Variants in CFAP20DC observed in about 807,000 individuals in gnomAD.
CFAP20DC encodes protein CFAP20DC.
A neutral mutation model predicts 101.7 loss-of-function variants in CFAP20DC; 84 were observed. The ratio of observed to expected loss-of-function variants is 0.83; its 90% CI spans 0.69 to 0.99. The LOEUF is 0.99. CFAP20DC is among the 50% of genes least tolerant of loss of function. CFAP20DC has a pLI of 0.00. For missense variants in CFAP20DC, 1,007 were observed against 970.3 expected, an observed-to-expected ratio of 1.04 and a Z score of -0.50; for synonymous variants, 359 against 351.2, an observed-to-expected ratio of 1.02 and a Z score of -0.25.
chr3:58,851,286 A>T (rs1321273850), intron 12 of CFAP20DC, among the ~76,000 whole-genome samples: 2 of 152,292 alleles, frequency 1.3e-5, no homozygotes, highest in East Asian at 3.9e-4. Flanking sequence ...TGGAGACAGT[A>T]GAACTGGAGG....
At chr3:58,789,954 T>C (rs1039035699) in intron 15 of CFAP20DC, among the ~76,000 whole-genome samples, 1 of 152,160 alleles carries the variant, frequency 6.6e-6, no homozygotes, top group African/African-American at 2.4e-5. Flanking sequence ...GGTAGAAAGA[T>C]ACAGAAATGT....
intron 4 of CFAP20DC, among the ~76,000 whole-genome samples, chr3:58,968,747 A>G (rs1442827746): frequency 6.6e-6 from 1 of 152,060 alleles, no homozygotes; most frequent in Non-Finnish European, 1.5e-5. Context: ...TTCTGTTGCA[A>G]TTGCTTTTGG....
chr3:58,890,448 C>A (rs1391773095), intron 6 of CFAP20DC, among the ~76,000 whole-genome samples: 15 of 145,536 alleles, frequency 1.0e-4, no homozygotes, highest in African/African-American at 3.9e-4. Flanking sequence ...TGACCCCCCC[C>A]ACGTCCCTCC....
intron 4 of CFAP20DC, among the ~76,000 whole-genome samples, chr3:58,986,454 AG>A (rs201989179): frequency 0.018 from 2,725 of 152,316 alleles, 69 homozygotes; most frequent in African/African-American, 0.061. Flanking sequence ...TCCTGCAGAA[AG>A]CCAGACCTTG....
In CFAP20DC at chr3:58,867,800, T is replaced by A. The variant is rs760532998; in HGVS notation, c.1135+17A>T. 1.2e-6 allele frequency: 2 copies of A among 1,613,312 alleles called. No homozygotes were observed. Among genetic ancestry groups the A allele is most frequent in the South Asian group, 1.1e-5 (1 of 91,056 alleles). ...AATAATATACAGATATAAGATAGGA[T>A]TGAAATAGTGCCATACCGCTGGGTG... On this transcript the variant is annotated intron_variant, in intron 10 of 16. Coordinates refer to ENST00000482387, the MANE Select transcript of CFAP20DC (RefSeq NM_001394063.1).
At position 58,912,070 on chromosome 3, in the gene CFAP20DC, G is replaced by C. The variant is rs1476125116; in HGVS notation, c.550+1638C>G. Reference sequence around the variant, plus strand: ...CTTATAAAATTTACAAACGTCTCTTGTCCGTTATTGTCTCCCCTCCCATAT... The same window carrying C: ...CTTATAAAATTTACAAACGTCTCTTCTCCGTTATTGTCTCCCCTCCCATAT... On this transcript the variant is annotated intron_variant, in intron 6 of 16. Transcript: ENST00000482387. The surrounding 1 kb of genome is among the most constrained non-coding windows in gnomAD (Gnocchi z 4.4). Among the ~76,000 whole-genome samples, 1 of 152,008 alleles carries C rather than the reference G, an allele frequency of 6.6e-6. No homozygotes were observed. The highest frequency in any genetic ancestry group is 1.9e-4 in the East Asian group (1 of 5,196).
At chr3:58,770,324 C>T (rs971858644) in intron 15 of CFAP20DC, among the ~76,000 whole-genome samples, 1 of 152,164 alleles carries the variant, frequency 6.6e-6, no homozygotes, top group African/African-American at 2.4e-5. Flanking sequence ...AGATGTTTAT[C>T]GAGCCCCTGT....
chr3:58,749,193 G>A (rs764024612), intron 16 of CFAP20DC, among the ~76,000 whole-genome samples: 8 of 152,080 alleles, frequency 5.3e-5, no homozygotes, highest in Non-Finnish European at 7.4e-5. Context: ...ATATTTATGG[G>A]GCATTTACTG....
chr3:59,017,950 T>A (rs1272736498), intron 4 of CFAP20DC: 1 of 152,076 alleles, frequency 6.6e-6, no homozygotes, highest in Non-Finnish European at 1.5e-5. Context: ...CAGTCTAGCA[T>A]CCCAAACAAG....
Position 58,869,252 on chromosome 3 carries a change from C to A in CFAP20DC, c.1015+76G>T. 1 of 1,183,208 alleles carries A rather than the reference C, an allele frequency of 8.5e-7. No individual in the cohort carries two copies. The highest frequency in any genetic ancestry group is 1.7e-5 in the South Asian group (1 of 59,748). The allele number at this position is 1,183,208 out of a possible 1,614,324, so 73.3% of individuals were successfully genotyped here. ...ACTTAAGATCTAGACTTGAATATAA[C>A]TGCTGATTTATCTTAACAAGAACAT... On this transcript the variant is annotated intron_variant, in intron 9 of 16. Coordinates refer to ENST00000482387, the MANE Select transcript of CFAP20DC (RefSeq NM_001394063.1). The surrounding 1 kb of genome is among the most constrained non-coding windows in gnomAD (Gnocchi z 4.3).
intron 4 of CFAP20DC, among the ~76,000 whole-genome samples, chr3:58,951,202 A>G (rs2090063890): frequency 6.6e-6 from 1 of 152,120 alleles, no homozygotes. Context: ...CAAAACCACA[A>G]TGAGATACCA....
intron 4 of CFAP20DC, among the ~76,000 whole-genome samples, chr3:58,961,346 G>A (rs2091117667): frequency 6.6e-6 from 1 of 152,286 alleles, no homozygotes; most frequent in Admixed American, 6.5e-5. Context: ...CTGAGGTCAG[G>A]AGTTTGAGAC....
chr3:58,913,930 A>C lies in CFAP20DC; in HGVS notation c.394-66T>G. 1 of 1,522,468 alleles carries C rather than the reference A, an allele frequency of 6.6e-7. No homozygotes were observed. The highest frequency in any genetic ancestry group is 9.0e-7 in the Non-Finnish European group (1 of 1,105,730). 94.3% of individuals were successfully genotyped at this position (1,522,468 alleles called of 1,614,324 possible). ...CAACACATAAATGAACAAACCATCT[A>C]TATGTAGACATTCAAAGAGTTGAGG... is the stretch of plus-strand genomic sequence containing the variant. On this transcript the variant is annotated intron_variant, in intron 5 of 16. Transcript: ENST00000482387. The surrounding 1 kb of genome is among the most constrained non-coding windows in gnomAD (Gnocchi z 4.4).
At chr3:58,974,975 G>A (rs748484088) in intron 4 of CFAP20DC, among the ~76,000 whole-genome samples, 1 of 152,068 alleles carries the variant, frequency 6.6e-6, no homozygotes, top group Non-Finnish European at 1.5e-5. Context: ...TCTCTTCTTC[G>A]GCCTCTTGAA....
chr3:58,785,941 C>T (rs2072296043), intron 15 of CFAP20DC, among the ~76,000 whole-genome samples: 1 of 152,082 alleles, frequency 6.6e-6, no homozygotes, highest in African/African-American at 2.4e-5. Context: ...GGTTTCCTCC[C>T]ATATATTTAC....
At chr3:58,996,117 T>C (rs2093125321) in intron 4 of CFAP20DC, among the ~76,000 whole-genome samples, 1 of 151,964 alleles carries the variant, frequency 6.6e-6, no homozygotes, top group Non-Finnish European at 1.5e-5. Context: ...AAAAAAAGTG[T>C]TTACTTACAA....
chr3:58,931,488 C>T (rs937501349), intron 5 of CFAP20DC, among the ~76,000 whole-genome samples: 10 of 152,168 alleles, frequency 6.6e-5, no homozygotes, highest in Admixed American at 6.5e-4. Context: ...GTCCCTGACC[C>T]CTGACCCCTG....
chr3:58,956,238 A>AATTCCAGG (rs2090616680), intron 4 of CFAP20DC, among the ~76,000 whole-genome samples: 1 of 151,876 alleles, frequency 6.6e-6, no homozygotes, highest in Admixed American at 6.6e-5. Flanking sequence ...TGGGGCCCAC[A>AATTCCAGG]ATTCCAGGAC....
At chr3:58,935,689 A>G (rs1188767612) in intron 5 of CFAP20DC, among the ~76,000 whole-genome samples, 3 of 152,210 alleles carry the variant, frequency 2.0e-5, no homozygotes, top group African/African-American at 4.8e-5. Context: ...TCCCTATTTA[A>G]TAAATGGTGC....
Sources: allele counts gnomAD v4.1 joint callset (sites outside exome capture counted in the v4.1 genomes callset), GRCh38; gene constraint gnomAD v4.1.1; non-coding constraint Gnocchi (gnomAD v3.1); transcripts MANE v1.5; gene names NCBI Gene and HGNC (gene_info 2026-07-23, HGNC 2026-07-21).